NEK10: variants seen among roughly 807,000 people sequenced by gnomAD.
NEK10 encodes the protein serine/threonine-protein kinase Nek10.
A neutral mutation model predicts 159.8 loss-of-function variants in NEK10; 122 were observed. The observed-to-expected ratio is 0.76, with a 90% CI of 0.66 to 0.89. The LOEUF (loss-of-function observed/expected upper bound fraction) is 0.89. Among genes scored for constraint, NEK10 ranks in the 40% least tolerant of loss-of-function variants. The pLI is 0.00. For missense variants in NEK10, 1,342 were observed against 1,323.1 expected, an observed-to-expected ratio of 1.01 and a Z score of -0.22; for synonymous variants, 466 against 457.1, an observed-to-expected ratio of 1.02 and a Z score of -0.25.
intron 29 of NEK10, chr3:27,162,940 A>G (rs1436516428): frequency 3.8e-6 from 1 of 265,194 alleles, no homozygotes; most frequent in East Asian, 1.8e-4. Flanking sequence ...AAATGACAGA[A>G]TCGTCCCACC....
At chr3:27,227,751 G>A (rs1200321728) in intron 23 of NEK10, among the ~76,000 whole-genome samples, 1 of 152,132 alleles carries the variant, frequency 6.6e-6, no homozygotes, top group African/African-American at 2.4e-5. Context: ...CATATGAACA[G>A]GTATAAACAG....
intron 1 of NEK10, among the ~76,000 whole-genome samples, chr3:27,367,987 T>C (rs879112285): frequency 6.6e-6 from 1 of 152,170 alleles, no homozygotes; most frequent in South Asian, 2.1e-4. Context: ...AATGCCCTTA[T>C]GTGCGTTTTA....
intron 32 of NEK10, among the ~76,000 whole-genome samples, chr3:27,122,328 G>C (rs1014442409): frequency 2.6e-5 from 4 of 152,166 alleles, no homozygotes; most frequent in African/African-American, 9.7e-5. Flanking sequence ...GGAACTGTGA[G>C]TCAATTAAGC....
intron 31 of NEK10, among the ~76,000 whole-genome samples, chr3:27,137,722 G>T (rs370118341): frequency 6.6e-6 from 1 of 152,268 alleles, no homozygotes; most frequent in Admixed American, 6.5e-5. Context: ...AAAGTGATCA[G>T]TTTTAGACTC....
chr3:27,306,919 T>C (rs1054869100), intron 11 of NEK10, among the ~76,000 whole-genome samples: 1 of 152,110 alleles, frequency 6.6e-6, no homozygotes, highest in African/African-American at 2.4e-5. Flanking sequence ...CACATACTGT[T>C]TTTATGTTGT....
At chr3:27,301,114 C>A (rs1168168612) in intron 13 of NEK10, among the ~76,000 whole-genome samples, 3 of 152,202 alleles carry the variant, frequency 2.0e-5, no homozygotes, top group Non-Finnish European at 2.9e-5. Context: ...CGCACTGTAG[C>A]TCCAGTTGTC....
chr3:27,342,252 T>C (rs893973556), intron 5 of NEK10, among the ~76,000 whole-genome samples: 1 of 151,972 alleles, frequency 6.6e-6, no homozygotes, highest in Non-Finnish European at 1.5e-5. Flanking sequence ...AGAAAGGGCA[T>C]AACAAGCCAT....
At chr3:27,143,601 T>A (rs192274405) in intron 30 of NEK10, 1 of 504,490 alleles carries the variant, frequency 2.0e-6, no homozygotes, top group Admixed American at 3.7e-5. Context: ...TCCCAACACA[T>A]CCTTGACTTC....
intron 31 of NEK10, among the ~76,000 whole-genome samples, chr3:27,141,106 C>T (rs1304448647): frequency 6.6e-6 from 1 of 152,098 alleles, no homozygotes; most frequent in East Asian, 1.9e-4. Flanking sequence ...CTATTTTCAA[C>T]CTAGCATTCT....
intron 1 of NEK10, chr3:27,367,701 G>C (rs898977599): frequency 5.9e-5 from 9 of 152,204 alleles, no homozygotes; most frequent in African/African-American, 2.2e-4. Context: ...TAGTGACTGA[G>C]ACAAAGATGG....
intron 32 of NEK10, among the ~76,000 whole-genome samples, chr3:27,131,413 G>T (rs1001255431): frequency 6.6e-6 from 1 of 152,182 alleles, no homozygotes; most frequent in Non-Finnish European, 1.5e-5. Context: ...ATGTCTGCTA[G>T]TATCTAAGGT....
chr3:27,295,811 C>T, intron 14 of NEK10, 121 bp from the exon 15 acceptor site: 1 of 1,283,582 alleles, frequency 7.8e-7, no homozygotes, highest in Non-Finnish European at 1.0e-6. Context: ...TAACTATGGA[C>T]CTTGAAGTAA....
intron 29 of NEK10, among the ~76,000 whole-genome samples, chr3:27,171,160 C>T (rs1946946190): frequency 1.3e-5 from 2 of 152,204 alleles, no homozygotes; most frequent in Non-Finnish European, 2.9e-5. Context: ...GCAGAAGGCT[C>T]AATCTAATAG....
intron 32 of NEK10, among the ~76,000 whole-genome samples, chr3:27,125,339 C>T (rs760056138): frequency 3.0e-4 from 45 of 152,216 alleles, no homozygotes; most frequent in Non-Finnish European, 5.1e-4. Context: ...AGAACAATTA[C>T]ACACAATATT....
intron 1 of NEK10, among the ~76,000 whole-genome samples, chr3:27,361,903 A>C (rs2048711948): frequency 6.6e-6 from 1 of 152,220 alleles, no homozygotes; most frequent in Non-Finnish European, 1.5e-5. Flanking sequence ...ACTACAAAAA[A>C]AAAAAATCTC....
At chr3:27,170,171 C>G (rs1946825282) in intron 29 of NEK10, among the ~76,000 whole-genome samples, 2 of 152,176 alleles carry the variant, frequency 1.3e-5, no homozygotes, top group Non-Finnish European at 2.9e-5. Context: ...CCTGCTATAG[C>G]ACATCGCAGC....
chr3:27,149,218 CAA>C (rs1944595303), intron 30 of NEK10, among the ~76,000 whole-genome samples: 1 of 151,922 alleles, frequency 6.6e-6, no homozygotes, highest in Admixed American at 6.6e-5. Flanking sequence ...CAAAGATAAA[CAA>C]GAGTTTATAC....
In NEK10 at chr3:27,304,829, C is replaced by G. The variant is rs1468500883; in HGVS notation, c.946G>C (p.Val316Leu). 2 of 1,613,848 alleles carry G rather than the reference C, an allele frequency of 1.2e-6. No individual in the cohort carries two copies. Among genetic ancestry groups the G allele is most frequent in the South Asian group, 2.2e-5 (2 of 91,072 alleles). Residue 316 changes from valine to leucine, a missense_variant, in exon 12 of 36, where the codon GTA (valine) becomes CTA (leucine). Transcript: ENST00000691995. The part of the protein sequence containing the change: ...KLLWSIVWIL[V>L]QVCEDPETSV... ...GTCTCAGGGTCCTCACAAACCTGTA[C>G]CAGAATCCAGACAATGCTCCAGAGG...
chr3:27,297,963 A>G (rs1220128831), intron 13 of NEK10, among the ~76,000 whole-genome samples: 1 of 152,172 alleles, frequency 6.6e-6, no homozygotes, highest in African/African-American at 2.4e-5. Context: ...AATTCTCACA[A>G]TGATCTTCTA....
Sources: allele counts gnomAD v4.1 joint callset (sites outside exome capture counted in the v4.1 genomes callset), GRCh38; gene constraint gnomAD v4.1.1; transcripts MANE v1.5; gene names NCBI Gene and HGNC (gene_info 2026-07-23, HGNC 2026-07-21).